Variants in FAM184A observed in about 807,000 individuals in gnomAD.
The protein encoded by FAM184A is protein FAM184A.
Under a neutral mutation model 143.8 loss-of-function variants are expected in FAM184A, and 99 were observed. The ratio of observed to expected loss-of-function variants is 0.69; its 90% CI spans 0.58 to 0.81. The LOEUF is 0.81. Among genes scored for constraint, FAM184A ranks in the 40% least tolerant of loss-of-function variants. The pLI, the probability that FAM184A is intolerant of heterozygous loss-of-function variation, is 0.00. For synonymous variants in FAM184A, 427 were observed against 446.4 expected, an observed-to-expected ratio of 0.96 and a Z score of 0.55; for missense variants, 1,217 against 1,310.5, an observed-to-expected ratio of 0.93 and a Z score of 1.10.
chr6:119,020,302 C>T (rs368836479), intron 3 of FAM184A, 143 bp from the exon 4 acceptor site: 23 of 514,794 alleles, frequency 4.5e-5, no homozygotes, highest in East Asian at 2.4e-4. Flanking sequence ...TGTTTCTTCA[C>T]TACATAAAAT....
In FAM184A at chr6:118,961,801, G is replaced by A. The variant is rs757477739; in HGVS notation, c.3301C>T (p.Pro1101Ser). The A allele has an allele frequency of 9.9e-6, 16 of 1,613,874 alleles. No individual in the cohort carries two copies. The highest frequency in any genetic ancestry group is 1.3e-5 in the Non-Finnish European group (15 of 1,179,842). Residue 1101 changes from proline to serine, a missense_variant, in exon 17 of 18, where the codon CCA becomes TCA. Physicochemically the swap from Pro to Ser is moderately conservative, Grantham distance 74 (BLOSUM62 -1). Coordinates refer to ENST00000338891, the MANE Select transcript of FAM184A (RefSeq NM_024581.6). ...GGCCCTTTAGGTGGCACTGGCTGTG[G>A]AAGTGGTTTGCTGCTGTTGAACTCA... ...DIEFNSSKPL[P>S]QPVPPKGPKT...
chr6:119,022,046 GTTCT>G (rs1480286882), intron 3 of FAM184A, among the ~76,000 whole-genome samples: 37 of 133,044 alleles, frequency 2.8e-4, no homozygotes, highest in African/African-American at 3.1e-4. Context: ...TTCATTTTTC[GTTCT>G]TTCTTTTTTT....
At chr6:118,960,812 A>G (rs376859584) in intron 17 of FAM184A, 104 of 1,365,880 alleles carry the variant, frequency 7.6e-5, no homozygotes, top group Non-Finnish European at 9.5e-5. Context: ...TGTGTAATGG[A>G]AACTCCAGTA....
intron 1 of FAM184A, among the ~76,000 whole-genome samples, chr6:119,125,920 T>C (rs1164281796): frequency 6.6e-6 from 1 of 152,218 alleles, no homozygotes; most frequent in Non-Finnish European, 1.5e-5. Flanking sequence ...GGTCTATTCA[T>C]TTTCTATTAC....
intron 3 of FAM184A, among the ~76,000 whole-genome samples, chr6:119,022,452 AT>A (rs1362389802): frequency 6.6e-6 from 1 of 152,204 alleles, no homozygotes; most frequent in Non-Finnish European, 1.5e-5. Context: ...ATAAAAATAT[AT>A]TCCTAAAAAT....
chr6:119,131,930 T>A (rs920523585), intron 1 of FAM184A, among the ~76,000 whole-genome samples: 1 of 152,242 alleles, frequency 6.6e-6, no homozygotes, highest in East Asian at 1.9e-4. Flanking sequence ...ATTCTTTAAT[T>A]TATTCTCAAA....
At chr6:118,962,389 C>A in intron 16 of FAM184A, 1 of 157,708 alleles carries the variant, frequency 6.3e-6, no homozygotes, top group Non-Finnish European at 1.4e-5. Context: ...AAAGAGAGTC[C>A]ATGAAATTTA....
rs549200436 is a variant in FAM184A, at chr6:119,112,268, A to T, written c.-202+36810T>A. On this transcript the variant is annotated intron_variant, in intron 1 of 16. Transcript: ENST00000352896. ...TGCCTCAGCCTCCTCAGTAGCTGGG[A>T]TTACAGGCACGTTACATGCCCGGCT... Among the ~76,000 whole-genome samples, 477 of 151,912 alleles carry T rather than the reference A, an allele frequency of 3.1e-3. 2 individuals are homozygous for T. The highest frequency in any genetic ancestry group is 0.01 in the Middle Eastern group (3 of 294).
At chr6:119,029,847 A>G (rs943451193) in intron 1 of FAM184A, among the ~76,000 whole-genome samples, 2 of 152,114 alleles carry the variant, frequency 1.3e-5, no homozygotes, top group African/African-American at 4.8e-5. Flanking sequence ...GAGCACAGTT[A>G]TGTCCACTTG....
chr6:119,051,961 G>A (rs188121265), intron 1 of FAM184A, among the ~76,000 whole-genome samples: 44 of 152,286 alleles, frequency 2.9e-4, no homozygotes, highest in African/African-American at 1.1e-3. Context: ...GCAGCCATTG[G>A]AGGCCCAGGT....
intron 9 of FAM184A, among the ~76,000 whole-genome samples, chr6:118,989,883 C>T (rs570681333): frequency 6.6e-6 from 1 of 151,896 alleles, no homozygotes; most frequent in East Asian, 1.9e-4. Context: ...GGCTGGAGTG[C>T]AGTGGCGCGA....
chr6:118,970,228 T>G (rs1437745352), intron 14 of FAM184A, among the ~76,000 whole-genome samples: 1 of 150,848 alleles, frequency 6.6e-6, no homozygotes, highest in African/African-American at 2.4e-5. Flanking sequence ...GGTCTCAAAC[T>G]CCTGACCTCA....
rs66619118 is a variant in FAM184A at position 119,115,808 on chromosome 6, C to CAA, written c.-202+33268_-202+33269dup. The stretch of plus-strand genomic sequence containing the variant: ...TGAAACCCCATCTCTACTAAAAATA[C>CAA]AAAAAAAAAAAATAGCCTGGTATGG... On this transcript the variant is annotated intron_variant, in intron 1 of 16. Transcript: ENST00000352896. 3.4e-3 allele frequency among the ~76,000 whole-genome samples: 485 copies of CAA among 142,446 alleles called. 2 individuals carry two copies. Among genetic ancestry groups the CAA allele is most frequent in the Non-Finnish European group, 5.8e-3 (374 of 64,588 alleles). 93.5% of individuals were successfully genotyped at this position (142,446 alleles called of 152,430 possible). A position where few individuals can be genotyped will look rare whatever the true frequency, so the allele number is the denominator to read the frequency against.
In FAM184A at chr6:118,960,138, G is replaced by C. The variant is rs759288936; in HGVS notation, c.3388C>G (p.Arg1130Gly). 6.8e-6 allele frequency: 11 copies of C among 1,613,258 alleles called. No homozygotes were observed. Among genetic ancestry groups the C allele is most frequent in the East Asian group, 4.5e-5 (2 of 44,888 alleles). Residue 1130 changes from arginine to glycine, a missense_variant, in exon 18 of 18, where the codon CGC (arginine) becomes GGC (glycine). Transcript: ENST00000338891. ...AAGTACCGGGCAAACCACTCCTGGC[G>C]CTGGGGATCTGGAGAAGCCACTGGA... ...ASPVASPDPQ[R>G]QEWFARYFTF
At chr6:119,105,430 CA>C (rs1387082558) in intron 1 of FAM184A, among the ~76,000 whole-genome samples, 2 of 152,146 alleles carry the variant, frequency 1.3e-5, no homozygotes, top group African/African-American at 4.8e-5. Flanking sequence ...TTTCCCCCCT[CA>C]CTCGCTGTCT....
chr6:119,144,082 C>G (rs1772335257), intron 1 of FAM184A, among the ~76,000 whole-genome samples: 1 of 151,724 alleles, frequency 6.6e-6, no homozygotes, highest in Non-Finnish European at 1.5e-5. Flanking sequence ...AATCCCAGCA[C>G]TTTGGGAGGC....
chr6:119,148,291 G>C (rs1015014034), intron 1 of FAM184A, among the ~76,000 whole-genome samples: 1 of 152,176 alleles, frequency 6.6e-6, no homozygotes, highest in Non-Finnish European at 1.5e-5. Flanking sequence ...TCTTCTAAGA[G>C]CCAGTGACCA....
intron 1 of FAM184A, among the ~76,000 whole-genome samples, chr6:119,059,087 C>A (rs1483176549): frequency 6.6e-6 from 1 of 152,128 alleles, no homozygotes; most frequent in South Asian, 2.1e-4. Flanking sequence ...ACCTCCACCT[C>A]CCGGGTTCAA....
At chr6:119,093,546 T>C (rs1236201324) in intron 1 of FAM184A, among the ~76,000 whole-genome samples, 1 of 152,220 alleles carries the variant, frequency 6.6e-6, no homozygotes, top group East Asian at 1.9e-4. Context: ...TTTCTTCCCA[T>C]AGAAGAAACA....
Sources: allele counts gnomAD v4.1 joint callset (sites outside exome capture counted in the v4.1 genomes callset), GRCh38; gene constraint gnomAD v4.1.1; transcripts MANE v1.5; gene names NCBI Gene and HGNC (gene_info 2026-07-23, HGNC 2026-07-21).